The following INTS3 variants were observed in gnomAD, a reference collection of about 807,000 sequenced individuals.
The protein encoded by INTS3 is SOSS complex subunit A.
A neutral mutation model predicts 146.3 loss-of-function variants in INTS3; 34 were observed. The observed-to-expected ratio is 0.23, with a 90% CI of 0.18 to 0.31. INTS3 has a LOEUF of 0.31. Among genes scored for constraint, INTS3 ranks in the 10% least tolerant of loss-of-function variants. The probability of loss-of-function intolerance (pLI) is 1.00; values close to 1 mark genes in which losing one functional copy is unlikely to be tolerated. For missense variants in INTS3, 757 were observed against 1,304.2 expected (o/e 0.58, Z 6.46); for synonymous variants, 475 against 494.9 (o/e 0.96, Z 0.53).
chr1:153,748,761 A>G lies in INTS3; in HGVS notation c.584+6A>G. 1 of 1,613,158 alleles carries G rather than the reference A, an allele frequency of 6.2e-7. No individual in the cohort carries two copies. Among genetic ancestry groups the G allele is most frequent in the Non-Finnish European group, 8.5e-7 (1 of 1,179,066 alleles). ...GATATCCTGACAGAGCAAAGGTAGC[A>G]TCCACCACGAAGGGTGGGGTACAGG... On this transcript the variant is annotated splice_donor_region_variant and intron_variant, in intron 6 of 29. Coordinates refer to ENST00000318967, the MANE Select transcript of INTS3 (RefSeq NM_023015.5).
intron 1 of INTS3, among the ~76,000 whole-genome samples, chr1:153,731,886 C>T (rs1448938131): frequency 2.1e-5 from 3 of 143,192 alleles, no homozygotes; most frequent in East Asian, 4.1e-4. Flanking sequence ...CACCTGGCCC[C>T]GCGTCTTTTT....
At position 153,773,313 on chromosome 1, in the gene INTS3, CCTT is replaced by C. The variant is rs766234972; in HGVS notation, c.*47_*49del. ...CCCACCCCCGGCTGGACTGCCCTCT[CCTT>C]CTTGGTGATTCAAAGGTTAATAGAG... On this transcript the variant is annotated 3_prime_UTR_variant, in exon 30 of 30. Coordinates refer to ENST00000318967, the MANE Select transcript of INTS3 (RefSeq NM_023015.5). The C allele has an allele frequency of 4.4e-5, 68 of 1,548,848 alleles. No individual in the cohort carries two copies. The highest frequency in any genetic ancestry group is 2.3e-4 in the African/African-American group (17 of 73,490).
Position 153,772,015 on chromosome 1 carries a change from G to A in INTS3, c.2720+52G>A. ...CAGGCCATGGCGGTCTGCAGTGATT[G>A]CTGTCGGTGGTGGTGGTGGTGGTGG... On this transcript the variant is annotated intron_variant, in intron 26 of 29. Coordinates refer to ENST00000318967, the MANE Select transcript of INTS3 (RefSeq NM_023015.5). This position sits in a 1 kb window ranked among gnomAD's most constrained non-coding sequence, Gnocchi z 4.6. The A allele has an allele frequency of 6.6e-7, 1 of 1,520,650 alleles. No homozygotes were observed. The allele number at this position is 1,520,650 out of a possible 1,614,324, so 94.2% of individuals were successfully genotyped here. A position where few individuals can be genotyped will look rare whatever the true frequency, so the allele number is the denominator to read the frequency against.
At chr1:153,761,032 T>C (rs987825969) in intron 13 of INTS3, 114 bp downstream of exon 13, 1 of 1,526,132 alleles carries the variant, frequency 6.6e-7, no homozygotes, top group Non-Finnish European at 8.8e-7. Context: ...GTAAAAAGTA[T>C]TGGCTCTACC....
At chr1:153,761,380 CA>C (rs1672376465) in intron 13 of INTS3, 189 bp from the exon 14 acceptor site, 1 of 563,284 alleles carries the variant, frequency 1.8e-6, no homozygotes, top group Admixed American at 3.2e-5. Context: ...TGTGATGGTG[CA>C]CACCTGTAAT....
At chr1:153,736,468 A>G (rs1461823368) in intron 1 of INTS3, among the ~76,000 whole-genome samples, 1 of 147,586 alleles carries the variant, frequency 6.8e-6, no homozygotes, top group Non-Finnish European at 1.5e-5. Flanking sequence ...TTTTTTTGAG[A>G]TGGAGTCTTG....
intron 6 of INTS3, 64 bp from the exon 7 acceptor site, chr1:153,751,031 C>T (rs1357203902): frequency 1.4e-5 from 21 of 1,525,742 alleles, no homozygotes; most frequent in East Asian, 2.3e-5. Context: ...GCCCAAGAAG[C>T]GTGAATTGGG....
intron 1 of INTS3, among the ~76,000 whole-genome samples, chr1:153,729,556 GAGAATATGTACTTA>G (rs934654110): frequency 1.1e-4 from 17 of 152,246 alleles, no homozygotes; most frequent in Admixed American, 7.2e-4. Flanking sequence ...TCCTACAAAC[GAGAATATGTACTTA>G]AGAATATGAG....
At chr1:153,731,151 G>C (rs551145700) in intron 1 of INTS3, among the ~76,000 whole-genome samples, 81 of 152,152 alleles carry the variant, frequency 5.3e-4, no homozygotes, top group African/African-American at 1.9e-3. Flanking sequence ...TCATCTAATG[G>C]CTTCATTTAA....
chr1:153,752,516 C>G, intron 8 of INTS3, 108 bp downstream of exon 8: 2 of 1,172,306 alleles, frequency 1.7e-6, no homozygotes, highest in Non-Finnish European at 2.4e-6. Context: ...CTTTGGTGGT[C>G]AGATTTAGGA....
At chr1:153,739,859 A>G (rs940036400) in intron 1 of INTS3, among the ~76,000 whole-genome samples, 4 of 151,390 alleles carry the variant, frequency 2.6e-5, no homozygotes, top group Admixed American at 1.3e-4. Context: ...CAGTGGCATG[A>G]TGTCTGCTCA....
chr1:153,748,427 A>G (rs1671834151), intron 5 of INTS3: 1 of 502,018 alleles, frequency 2.0e-6, no homozygotes, highest in South Asian at 2.1e-5. Context: ...AAGGGCCAAA[A>G]TGTTCCCACT....
intron 1 of INTS3, among the ~76,000 whole-genome samples, chr1:153,732,617 T>C (rs528308454): frequency 1.2e-4 from 18 of 152,074 alleles, no homozygotes; most frequent in African/African-American, 4.1e-4. Context: ...AGCTACTTTT[T>C]TTGCATTTTT....
intron 2 of INTS3, 41 bp from the exon 3 acceptor site, chr1:153,741,244 T>G: frequency 6.9e-7 from 1 of 1,452,306 alleles, no homozygotes; most frequent in Non-Finnish European, 9.7e-7. Context: ...ACTTACTGCC[T>G]GTGAGTGACA....
Position 153,764,726 on chromosome 1 carries a change from A to G in INTS3, c.1962A>G (p.Leu654=). The G allele has an allele frequency of 6.2e-7, 1 of 1,608,186 alleles. No individual in the cohort carries two copies. The change falls in exon 19 of 30, where the codon CTA becomes CTG. Residue 654 remains leucine (L), a synonymous_variant. Transcript: ENST00000318967. ...LEESVGKPLY[L]IFRNLCQMQE... ...AGTCTGTAGGAAAGCCTCTGTACCT[A>G]ATATTTAGGTAAGCACGCAGCTATA...
chr1:153,772,421 G>A lies in INTS3; in HGVS notation c.2802G>A (p.Leu934=). 4 of 1,614,096 alleles carry A rather than the reference G, an allele frequency of 2.5e-6. No individual in the cohort carries two copies. The East Asian group carries it at 8.9e-5, about 36-fold the overall frequency. Residue 934 remains leucine, a synonymous_variant, in exon 27 of 30, where the codon CTG becomes CTA. Coordinates refer to ENST00000318967, the MANE Select transcript of INTS3 (RefSeq NM_023015.5). This position sits in a 1 kb window ranked among gnomAD's most constrained non-coding sequence, Gnocchi z 4.6. The part of the protein sequence containing the change: ...LEHLDNLRLN[L]TNTKQNFFSQ... Reference sequence around the variant, plus strand: ...ACTTGGACAATCTGCGGCTCAACCTGACCAACACCAAGCAGAACTGTATGC... The same window carrying A: ...ACTTGGACAATCTGCGGCTCAACCTAACCAACACCAAGCAGAACTGTATGC...
Position 153,762,720 on chromosome 1 carries a change from C to T in INTS3, c.1517-8C>T. On this transcript the variant is annotated splice_region_variant and splice_polypyrimidine_tract_variant and intron_variant, in intron 14 of 29. Transcript: ENST00000318967. ...CCATTAAATGCCTTATCTTTTTTTA[C>T]TCCCAAGTCAAAATTGAGGAGCCAG... 6.2e-7 allele frequency: 1 copy of T among 1,613,796 alleles called. No homozygotes were observed. The highest frequency in any genetic ancestry group is 8.5e-7 in the Non-Finnish European group (1 of 1,179,890).
At chr1:153,736,593 C>T (rs1671301097) in intron 1 of INTS3, among the ~76,000 whole-genome samples, 1 of 151,502 alleles carries the variant, frequency 6.6e-6, no homozygotes, top group Non-Finnish European at 1.5e-5. Flanking sequence ...ATTACAGGCG[C>T]ATGCCACCAC....
rs748685949 is a variant in INTS3 at position 153,772,556 on chromosome 1, T to C, written c.2822-83T>C. The C allele has an allele frequency of 1.9e-6, 3 of 1,610,946 alleles. No homozygotes were observed. The highest frequency in any genetic ancestry group is 2.5e-6 in the Non-Finnish European group (3 of 1,178,438). On this transcript the variant is annotated intron_variant, in intron 27 of 29. Coordinates refer to ENST00000318967, the MANE Select transcript of INTS3 (RefSeq NM_023015.5). The surrounding 1 kb of genome is among the most constrained non-coding windows in gnomAD (Gnocchi z 4.6). The stretch of plus-strand genomic sequence containing the variant: ...CCGGGGCCACAACCCACACTCGGGA[T>C]AAAACAACCTGTGCGTGCTGTTTAA...
Sources: allele counts gnomAD v4.1 joint callset (sites outside exome capture counted in the v4.1 genomes callset), GRCh38; gene constraint gnomAD v4.1.1; non-coding constraint Gnocchi (gnomAD v3.1); transcripts MANE v1.5; gene names NCBI Gene and HGNC (gene_info 2026-07-23, HGNC 2026-07-21).